Variants in SCAPER observed in about 807,000 individuals in gnomAD.
SCAPER encodes S phase cyclin A-associated protein in the endoplasmic reticulum.
Under a neutral mutation model 182.2 loss-of-function variants are expected in SCAPER, and 98 were observed. That is an observed-to-expected ratio of 0.54 (90% confidence interval 0.46 to 0.64). The LOEUF (loss-of-function observed/expected upper bound fraction) is 0.64, where lower values mean the gene tolerates loss of function less well. SCAPER is among the 30% of genes least tolerant of loss of function. SCAPER has a pLI of 0.00. For missense variants in SCAPER, 1,432 were observed against 1,690.0 expected (o/e 0.85, Z 2.68); for synonymous variants, 605 against 564.6 (o/e 1.07, Z -1.01).
Position 76,765,474 on chromosome 15 carries a change from AT to A in SCAPER, c.1496-21del, listed in dbSNP as rs752570301. On this transcript the variant is annotated intron_variant, in intron 12 of 31. Transcript: ENST00000563290. The stretch of plus-strand genomic sequence containing the variant: ...CACGAGCTGTTCAGAAAAAAATACT[AT>A]TATTGTTTAGCCACATAGGTCTATA... 46 of 1,611,360 alleles carry A rather than the reference AT, an allele frequency of 2.9e-5. No individual in the cohort carries two copies. The highest frequency in any genetic ancestry group is 5.0e-5 in the Admixed American group (3 of 59,858).
chr15:76,689,050 A>G (rs1319170513), intron 20 of SCAPER, among the ~76,000 whole-genome samples: 2 of 151,640 alleles, frequency 1.3e-5, no homozygotes, highest in African/African-American at 2.4e-5. Context: ...GGGTTTCACC[A>G]TGTTAGCCAG....
chr15:76,746,035 A>G, intron 15 of SCAPER, among the ~76,000 whole-genome samples: 1 of 152,252 alleles, frequency 6.6e-6, no homozygotes, highest in East Asian at 1.9e-4. Flanking sequence ...TTGGACAAAT[A>G]TACAAAATAT....
chr15:76,418,369 T>C (rs2045801296), intron 26 of SCAPER, among the ~76,000 whole-genome samples: 1 of 152,142 alleles, frequency 6.6e-6, no homozygotes, highest in Non-Finnish European at 1.5e-5. Flanking sequence ...CCACCACAAA[T>C]GCCAGCAAAT....
At chr15:76,680,507 G>A (rs1455718608) in intron 20 of SCAPER, among the ~76,000 whole-genome samples, 1 of 151,886 alleles carries the variant, frequency 6.6e-6, no homozygotes, top group Admixed American at 6.6e-5. Context: ...TACCTTGGAT[G>A]CTTGTCCACT....
intron 23 of SCAPER, among the ~76,000 whole-genome samples, chr15:76,569,065 T>G (rs1279962630): frequency 6.6e-6 from 1 of 152,104 alleles, no homozygotes; most frequent in African/African-American, 2.4e-5. Flanking sequence ...TTTATTTATT[T>G]TTCCACTAGT....
At chr15:76,485,179 T>C (rs1316657433) in intron 24 of SCAPER, among the ~76,000 whole-genome samples, 10 of 152,170 alleles carry the variant, frequency 6.6e-5, no homozygotes, top group Non-Finnish European at 1.3e-4. Context: ...AAAAACTTCT[T>C]GAGCTGATAA....
chr15:76,896,680 A>G (rs1405551135), intron 1 of SCAPER, among the ~76,000 whole-genome samples: 1 of 152,146 alleles, frequency 6.6e-6, no homozygotes, highest in Non-Finnish European at 1.5e-5. Flanking sequence ...GCACTTTGGG[A>G]GGCCAAGGCA....
intron 21 of SCAPER, among the ~76,000 whole-genome samples, chr15:76,653,502 G>T (rs1164454553): frequency 1.3e-5 from 2 of 152,116 alleles, no homozygotes; most frequent in African/African-American, 4.8e-5. Flanking sequence ...CTTGGTATTG[G>T]TACAAAAACT....
chr15:76,486,209 A>AAAAC lies in SCAPER; in HGVS notation c.2955-14878_2955-14875dup, dbSNP rs757467084. ...GCGACAGAGTGAGACTCTGTCTCAA[A>AAAAC]AAACAAACAAACAAACAAACAAATA... On this transcript the variant is annotated intron_variant, in intron 24 of 31. Transcript: ENST00000563290. Among the ~76,000 whole-genome samples the AAAAC allele has an allele frequency of 1.8e-3, 276 of 152,220 alleles. 2 individuals carry two copies. The highest frequency in any genetic ancestry group is 3.1e-3 in the Non-Finnish European group (214 of 68,016).
At chr15:76,638,496 T>TG (rs1490504274) in intron 21 of SCAPER, among the ~76,000 whole-genome samples, 4 of 152,212 alleles carry the variant, frequency 2.6e-5, no homozygotes, top group Non-Finnish European at 4.4e-5. Flanking sequence ...TCTAAGGTTT[T>TG]GGTTGATATC....
At chr15:76,444,901 T>C (rs914643290) in intron 25 of SCAPER, among the ~76,000 whole-genome samples, 9 of 152,246 alleles carry the variant, frequency 5.9e-5, no homozygotes, top group African/African-American at 1.7e-4. Context: ...CATTCAGTCA[T>C]TGGAGCACAT....
chr15:76,485,143 T>C (rs148076342), intron 24 of SCAPER, among the ~76,000 whole-genome samples: 65 of 152,292 alleles, frequency 4.3e-4, no homozygotes, highest in African/African-American at 1.4e-3. Context: ...TGATCCTGCA[T>C]CTAGAAAACC....
intron 22 of SCAPER, among the ~76,000 whole-genome samples, chr15:76,586,377 T>A (rs2048656623): frequency 6.6e-6 from 1 of 152,152 alleles, no homozygotes; most frequent in Admixed American, 6.5e-5. Context: ...ATATCTGGAA[T>A]TAATTAAATA....
chr15:76,882,098 C>G (rs936308113), intron 2 of SCAPER, among the ~76,000 whole-genome samples: 3 of 152,010 alleles, frequency 2.0e-5, no homozygotes, highest in Non-Finnish European at 2.9e-5. Flanking sequence ...TCTCTTTTGT[C>G]AAGATACTAA....
At chr15:76,673,989 A>ACACACACACC (rs1387070676) in intron 20 of SCAPER, among the ~76,000 whole-genome samples, 2 of 143,324 alleles carry the variant, frequency 1.4e-5, no homozygotes, top group Non-Finnish European at 3.1e-5. Context: ...ACACACACAC[A>ACACACACACC]CCCCAATCAG....
At chr15:76,570,969 G>A (rs966031980) in intron 23 of SCAPER, among the ~76,000 whole-genome samples, 7 of 152,000 alleles carry the variant, frequency 4.6e-5, no homozygotes, top group African/African-American at 1.7e-4. Context: ...TAGTCCTGAG[G>A]GTGGGATAAG....
Position 76,771,945 on chromosome 15 carries a change from T to A in SCAPER, c.1045A>T (p.Ser349Cys). 4 of 1,608,784 alleles carry A rather than the reference T, an allele frequency of 2.5e-6. No homozygotes were observed. The highest frequency in any genetic ancestry group is 3.4e-6 in the Non-Finnish European group (4 of 1,178,032). The change falls in exon 10 of 32, where the codon AGT (serine) becomes TGT (cysteine). Residue 349 changes from serine (S) to cysteine (C), a missense_variant. Physicochemically the swap from Ser to Cys is moderately radical, Grantham distance 112 (BLOSUM62 -1). This residue lies in a region of SCAPER where 480 missense variants were observed against 510.2 expected (regional missense o/e 0.94). Transcript: ENST00000563290. ...GAATTCTTCACATCATCCAATGTACTCACTGTGAACTAACAAAACGTAGAG... is the reference window on the plus strand; with the variant it reads ...GAATTCTTCACATCATCCAATGTACACACTGTGAACTAACAAAACGTAGAG... ...PLAEKTQFTV[S>C]TLDDVKNSGS...
intron 18 of SCAPER, among the ~76,000 whole-genome samples, chr15:76,704,363 T>C (rs1251272318): frequency 6.6e-6 from 1 of 152,206 alleles, no homozygotes; most frequent in African/African-American, 2.4e-5. Context: ...TTTGTGGCCA[T>C]TGCTTTTGGT....
intron 24 of SCAPER, among the ~76,000 whole-genome samples, chr15:76,483,242 A>C (rs931361894): frequency 1.3e-5 from 2 of 151,894 alleles, no homozygotes; most frequent in Non-Finnish European, 2.9e-5. Flanking sequence ...AGGCAACCAA[A>C]CAAAGAACAG....
Sources: allele counts gnomAD v4.1 joint callset (sites outside exome capture counted in the v4.1 genomes callset), GRCh38; gene constraint gnomAD v4.1.1; regional missense constraint gnomAD v4.1.1; transcripts MANE v1.5; gene names NCBI Gene and HGNC (gene_info 2026-07-23, HGNC 2026-07-21).